The following TLK1 variants were observed in gnomAD, a reference collection of about 807,000 sequenced individuals.
TLK1 encodes the protein serine/threonine-protein kinase tousled-like 1.
Under a neutral mutation model 105.3 loss-of-function variants are expected in TLK1, and 24 were observed. The observed-to-expected ratio is 0.23, with a 90% CI of 0.17 to 0.32. TLK1 has a LOEUF of 0.32. Ranked by LOEUF, TLK1 falls within the 10% of genes least tolerant of loss-of-function variation. The pLI, the probability that TLK1 is intolerant of heterozygous loss-of-function variation, is 1.00. For synonymous variants in TLK1, 321 were observed against 310.4 expected (o/e 1.03, Z -0.36); for missense variants, 558 against 910.5 (o/e 0.61, Z 4.98).
At chr2:171,215,606 T>C (rs1347685502) in intron 1 of TLK1, among the ~76,000 whole-genome samples, 1 of 152,230 alleles carries the variant, frequency 6.6e-6, no homozygotes, top group Non-Finnish European at 1.5e-5. Context: ...ATTATATATA[T>C]AGGCTTCCCT....
intron 1 of TLK1, among the ~76,000 whole-genome samples, chr2:171,195,081 T>C (rs1014542402): frequency 2.0e-5 from 3 of 152,156 alleles, no homozygotes; most frequent in Non-Finnish European, 4.4e-5. Flanking sequence ...GTATACTTGC[T>C]GTCAGTAAAG....
chr2:171,017,166 A>G (rs1685249924), intron 12 of TLK1, among the ~76,000 whole-genome samples: 1 of 152,214 alleles, frequency 6.6e-6, no homozygotes, highest in Admixed American at 6.5e-5. Context: ...GCCATGTAAA[A>G]CAGATAAGAA....
intron 13 of TLK1, 62 bp downstream of exon 13, chr2:171,014,789 C>T: frequency 1.7e-6 from 2 of 1,197,986 alleles, no homozygotes; most frequent in Middle Eastern, 2.7e-4. Flanking sequence ...TGTGTTTATG[C>T]TCTATGGGGG....
upstream of TLK1, among the ~76,000 whole-genome samples, chr2:171,162,661 G>A (rs1031963393): frequency 1.3e-5 from 2 of 152,194 alleles, no homozygotes; most frequent in Non-Finnish European, 2.9e-5. Flanking sequence ...TTTCCTCTTT[G>A]TGGTTCCTCC....
At chr2:171,217,914 T>C (rs1434920131) in intron 1 of TLK1, among the ~76,000 whole-genome samples, 2 of 152,224 alleles carry the variant, frequency 1.3e-5, no homozygotes, top group East Asian at 3.8e-4. Context: ...CCGTATTAGT[T>C]TCCTATGGCT....
chr2:171,109,551 A>G (rs1690071313), intron 2 of TLK1, among the ~76,000 whole-genome samples: 1 of 152,240 alleles, frequency 6.6e-6, no homozygotes, highest in African/African-American at 2.4e-5. Flanking sequence ...GTCAGGGAGG[A>G]TGCAGAACAA....
intron 12 of TLK1, among the ~76,000 whole-genome samples, chr2:171,026,341 C>T (rs1368849676): frequency 6.6e-6 from 1 of 152,028 alleles, no homozygotes; most frequent in Non-Finnish European, 1.5e-5. Flanking sequence ...TTCACAGAAA[C>T]CAGTATTTTC....
chr2:171,030,272 C>G (rs1025406165), intron 11 of TLK1, among the ~76,000 whole-genome samples: 1 of 151,472 alleles, frequency 6.6e-6, no homozygotes, highest in Non-Finnish European at 1.5e-5. Flanking sequence ...TAAACAAAAA[C>G]AAGAAATTCA....
intron 18 of TLK1, among the ~76,000 whole-genome samples, chr2:170,998,909 C>T (rs1575497804): frequency 1.3e-5 from 2 of 152,256 alleles, no homozygotes; most frequent in South Asian, 4.1e-4. Context: ...GATGGGACTA[C>T]AGACGTGCAC....
intron 2 of TLK1, among the ~76,000 whole-genome samples, chr2:171,103,264 T>TTATTTATATATATATATATATATATA (rs1553477347): frequency 5.1e-5 from 7 of 136,516 alleles, no homozygotes; most frequent in African/African-American, 1.2e-4. Flanking sequence ...GATCTCAAAT[T>TTATTTATATATATATATATATATATA]TATATATATA....
At chr2:171,025,691 T>C (rs1186003281) in intron 12 of TLK1, among the ~76,000 whole-genome samples, 1 of 152,250 alleles carries the variant, frequency 6.6e-6, no homozygotes, top group Non-Finnish European at 1.5e-5. Context: ...GACTCAAGCC[T>C]GTCCTGTGTT....
intron 3 of TLK1, among the ~76,000 whole-genome samples, chr2:171,077,536 G>A (rs1237248920): frequency 6.6e-6 from 1 of 152,110 alleles, no homozygotes; most frequent in Non-Finnish European, 1.5e-5. Context: ...CTACAATCTG[G>A]CATTTTGTTC....
intron 3 of TLK1, among the ~76,000 whole-genome samples, chr2:171,076,517 T>C (rs915308642): frequency 6.6e-6 from 1 of 151,754 alleles, no homozygotes; most frequent in Admixed American, 6.6e-5. Context: ...CAGCAGAAAA[T>C]GAACTGAGAC....
intron 10 of TLK1, among the ~76,000 whole-genome samples, chr2:171,046,604 G>C (rs561306752): frequency 5.8e-4 from 88 of 151,904 alleles, no homozygotes; most frequent in Admixed American, 1.1e-3. Flanking sequence ...AATTTCATGG[G>C]ATCTTCTATC....
Position 171,080,022 on chromosome 2 carries a change from A to AT in TLK1, c.330+2758dup, listed in dbSNP as rs1553473966. On this transcript the variant is annotated intron_variant, in intron 3 of 20. Transcript: ENST00000431350. ...GGGGTAAGGGTGGTAGGAGAAAGCA[A>AT]TTTTTTTTAAAAAAAAAGTAATAAA... is the stretch of plus-strand genomic sequence containing the variant. Among the ~76,000 whole-genome samples, 145 of 152,086 alleles carry AT rather than the reference A, an allele frequency of 9.5e-4. 2 individuals carry two copies. The East Asian group carries it at 0.011, about 11-fold the overall frequency.
At chr2:171,084,779 G>C (rs762289050) in intron 2 of TLK1, among the ~76,000 whole-genome samples, 14 of 152,162 alleles carry the variant, frequency 9.2e-5, no homozygotes, top group South Asian at 6.2e-4. Flanking sequence ...CTCAAGACAT[G>C]AAACAACTAT....
chr2:171,062,720 C>T (rs1389673505), intron 3 of TLK1, among the ~76,000 whole-genome samples: 2 of 152,156 alleles, frequency 1.3e-5, no homozygotes, highest in African/African-American at 2.4e-5. Flanking sequence ...GACCTAAATG[C>T]TCTTTATTTT....
chr2:171,123,038 G>GA (rs1453694573), intron 1 of TLK1, among the ~76,000 whole-genome samples: 1 of 115,820 alleles, frequency 8.6e-6, no homozygotes, highest in African/African-American at 3.6e-5. Context: ...GACCCTATAT[G>GA]AAAAAATAAA....
intron 2 of TLK1, among the ~76,000 whole-genome samples, chr2:171,097,955 T>C (rs35312173): frequency 0.34 from 48,726 of 144,204 alleles, 8,247 homozygotes; most frequent in African/African-American, 0.37. Context: ...GGGAAAGGGG[T>C]GGGGCGGGGA....
Sources: allele counts gnomAD v4.1 joint callset (sites outside exome capture counted in the v4.1 genomes callset), GRCh38; gene constraint gnomAD v4.1.1; transcripts MANE v1.5; gene names NCBI Gene and HGNC (gene_info 2026-07-23, HGNC 2026-07-21).